The following PPP2R2B variants were observed in gnomAD, a reference collection of about 807,000 sequenced individuals.
PPP2R2B encodes protein phosphatase 2 regulatory subunit Bbeta.
Under a neutral mutation model 46.0 loss-of-function variants are expected in PPP2R2B, and 5 were observed. That is an observed-to-expected ratio of 0.11 (90% CI 0.06 to 0.23). The LOEUF (loss-of-function observed/expected upper bound fraction) is 0.23, where lower values mean the gene tolerates loss of function less well. Among genes scored for constraint, PPP2R2B ranks in the 10% least tolerant of loss-of-function variants. PPP2R2B has a pLI of 1.00. For missense variants in PPP2R2B, 367 were observed against 575.0 expected, an observed-to-expected ratio of 0.64 and a Z score of 3.70; for synonymous variants, 215 against 206.7, an observed-to-expected ratio of 1.04 and a Z score of -0.34.
intron 2 of PPP2R2B, among the ~76,000 whole-genome samples, chr5:146,816,093 A>T (rs1197511218): frequency 6.6e-6 from 1 of 152,132 alleles, no homozygotes; most frequent in African/African-American, 2.4e-5. Context: ...ATTCCCCTCC[A>T]AAGTGTAGTG....
chr5:146,677,425 A>AT (rs1020208875), intron 5 of PPP2R2B, among the ~76,000 whole-genome samples: 22 of 150,748 alleles, frequency 1.5e-4, no homozygotes, highest in South Asian at 6.4e-4. Context: ...TGCCGTCACC[A>AT]TTTTTTTTTG....
chr5:147,074,157 A>T (rs1190917879), intron 2 of PPP2R2B, among the ~76,000 whole-genome samples: 2 of 152,196 alleles, frequency 1.3e-5, no homozygotes, highest in Non-Finnish European at 2.9e-5. Context: ...TTTTAACACC[A>T]TTCCCAGGGG....
chr5:146,661,394 C>T (rs1211693075), intron 5 of PPP2R2B, among the ~76,000 whole-genome samples: 1 of 152,034 alleles, frequency 6.6e-6, no homozygotes, highest in Non-Finnish European at 1.5e-5. Flanking sequence ...CAATAAGTTT[C>T]AGTTCATGAA....
intron 2 of PPP2R2B, among the ~76,000 whole-genome samples, chr5:147,070,956 C>T (rs1020528489): frequency 6.6e-6 from 1 of 151,968 alleles, no homozygotes; most frequent in Non-Finnish European, 1.5e-5. Context: ...TGCCACTGCA[C>T]TCCAGCCTGG....
chr5:146,894,582 G>A (rs1402697219), intron 1 of PPP2R2B, among the ~76,000 whole-genome samples: 1 of 152,176 alleles, frequency 6.6e-6, no homozygotes, highest in Non-Finnish European at 1.5e-5. Flanking sequence ...TGGGACCACA[G>A]GCGTGCGCCA....
At chr5:147,052,646 A>G (rs1321324830) in intron 1 of PPP2R2B, among the ~76,000 whole-genome samples, 1 of 152,120 alleles carries the variant, frequency 6.6e-6, no homozygotes, top group Non-Finnish European at 1.5e-5. Flanking sequence ...TGAGGAACCA[A>G]AGAAGGCCTG....
chr5:146,774,677 C>A (rs1265647812), intron 2 of PPP2R2B, among the ~76,000 whole-genome samples: 1 of 151,788 alleles, frequency 6.6e-6, no homozygotes, highest in Non-Finnish European at 1.5e-5. Context: ...ATTAGCTGGG[C>A]GTGGTGGTGC....
At chr5:146,863,493 A>C (rs527327724) in intron 2 of PPP2R2B, among the ~76,000 whole-genome samples, 2 of 152,238 alleles carry the variant, frequency 1.3e-5, no homozygotes, top group African/African-American at 4.8e-5. Context: ...GAGGATGAAA[A>C]GTAGATTTTA....
Position 146,657,971 on chromosome 5 carries a change from A to T in PPP2R2B, c.448-7247T>A, listed in dbSNP as rs369760758. ...GTGCACATAGGAAGGTTATAACCACACACTGGCCCCAGATAAGGCCTTCAA... is the reference window on the plus strand; with the variant it reads ...GTGCACATAGGAAGGTTATAACCACTCACTGGCCCCAGATAAGGCCTTCAA... On this transcript the variant is annotated intron_variant, in intron 5 of 9. Transcript: ENST00000394411. Among the ~76,000 whole-genome samples, 8 of 152,352 alleles carry T rather than the reference A, an allele frequency of 5.3e-5. No homozygotes were observed. In the East Asian group the frequency reaches 1.5e-3, roughly 29 times the overall value.
At chr5:146,985,750 G>A (rs183080808) in intron 1 of PPP2R2B, among the ~76,000 whole-genome samples, 23 of 152,152 alleles carry the variant, frequency 1.5e-4, no homozygotes, top group African/African-American at 5.5e-4. Context: ...AACAAGAAAA[G>A]GCATTTAAAT....
chr5:146,902,456 C>A (rs545060905), intron 1 of PPP2R2B, among the ~76,000 whole-genome samples: 1 of 152,250 alleles, frequency 6.6e-6, no homozygotes, highest in African/African-American at 2.4e-5. Flanking sequence ...ATTATTACAA[C>A]TACTTCTAAT....
At chr5:146,698,317 A>AAAAT (rs1250416449) in intron 3 of PPP2R2B, among the ~76,000 whole-genome samples, 173 bp from the exon 4 acceptor site, 243 of 85,582 alleles carry the variant, frequency 2.8e-3, no homozygotes, top group Admixed American at 3.8e-3. Flanking sequence ...AAAAAAAAAA[A>AAAAT]ATATATATAT....
At chr5:146,708,208 T>A (rs1779988338) in intron 2 of PPP2R2B, among the ~76,000 whole-genome samples, 1 of 151,864 alleles carries the variant, frequency 6.6e-6, no homozygotes, top group African/African-American at 2.4e-5. Flanking sequence ...ATAAAAAAAA[T>A]TAGCTCGGCA....
chr5:146,975,044 A>G (rs1215769436), intron 1 of PPP2R2B, among the ~76,000 whole-genome samples: 1 of 152,144 alleles, frequency 6.6e-6, no homozygotes, highest in Admixed American at 6.5e-5. Flanking sequence ...CAACACATAG[A>G]ATGTACCATT....
intron 5 of PPP2R2B, among the ~76,000 whole-genome samples, chr5:146,663,293 A>C (rs1238087746): frequency 6.6e-6 from 1 of 152,240 alleles, no homozygotes; most frequent in African/African-American, 2.4e-5. Flanking sequence ...AGTTGGAAGT[A>C]TAAAAAGAAA....
At chr5:146,729,942 T>C (rs1271803699) in intron 2 of PPP2R2B, among the ~76,000 whole-genome samples, 1 of 152,126 alleles carries the variant, frequency 6.6e-6, no homozygotes, top group East Asian at 1.9e-4. Context: ...TACTGCCTAG[T>C]GAAGCTGTGA....
chr5:146,788,118 T>C (rs758056403), intron 2 of PPP2R2B, among the ~76,000 whole-genome samples: 3 of 152,098 alleles, frequency 2.0e-5, no homozygotes, highest in Non-Finnish European at 2.9e-5. Context: ...TGTGTGAGCA[T>C]TTGCGCAAGT....
chr5:146,878,289 G>A lies in PPP2R2B; in HGVS notation c.-124-94C>T. On this transcript the variant is annotated intron_variant, in intron 1 of 9. Transcript: ENST00000394411. The surrounding 1 kb of genome is among the most constrained non-coding windows in gnomAD (Gnocchi z 4.5). ...ACTCGGGTTCTGCGAGGCTGCGGCG[G>A]CTCCTCCCGCGCGGTGCGCTCACTC... 1 of 1,458,654 alleles carries A rather than the reference G, an allele frequency of 6.9e-7. No homozygotes were observed. Among genetic ancestry groups the A allele is most frequent in the Non-Finnish European group, 9.0e-7 (1 of 1,110,776 alleles). The allele number at this position is 1,458,654 out of a possible 1,614,324, so 90.4% of individuals were successfully genotyped here. A position where few individuals can be genotyped will look rare whatever the true frequency, so the allele number is the denominator to read the frequency against.
intron 1 of PPP2R2B, among the ~76,000 whole-genome samples, chr5:147,033,019 G>A (rs183522997): frequency 2.6e-4 from 40 of 152,168 alleles, no homozygotes; most frequent in South Asian, 1.0e-3. Context: ...CTGCATCCAC[G>A]CCAACATCTA....
Sources: allele counts gnomAD v4.1 joint callset (sites outside exome capture counted in the v4.1 genomes callset), GRCh38; gene constraint gnomAD v4.1.1; non-coding constraint Gnocchi (gnomAD v3.1); transcripts MANE v1.5; gene names NCBI Gene and HGNC (gene_info 2026-07-23, HGNC 2026-07-21).